CPED1: variants seen among roughly 807,000 people sequenced by gnomAD.
CPED1 encodes cadherin like and PC-esterase domain containing 1.
CPED1 carries 114 observed loss-of-function variants against 128.2 expected under a neutral mutation model. The ratio of observed to expected loss-of-function variants is 0.89; its 90% CI spans 0.76 to 1.04. The LOEUF (loss-of-function observed/expected upper bound fraction) is 1.04, where lower values mean the gene tolerates loss of function less well. Among genes scored for constraint, CPED1 ranks in the 50% least tolerant of loss-of-function variants. The pLI is 0.00. For synonymous variants in CPED1, 462 were observed against 426.7 expected, an observed-to-expected ratio of 1.08 and a Z score of -1.02; for missense variants, 1,211 against 1,207.1, an observed-to-expected ratio of 1.00 and a Z score of -0.05.
intron 16 of CPED1, among the ~76,000 whole-genome samples, chr7:121,228,437 A>G (rs1798064688): frequency 7.8e-6 from 1 of 128,168 alleles, no homozygotes; most frequent in East Asian, 2.0e-4. Context: ...CCACAGTGAG[A>G]TATTACCTAA....
In CPED1 at chr7:121,295,820, A is replaced by T. The variant is rs1792814120; in HGVS notation, c.*168A>T. ...ACACACACAGTTAAATAATGATAACACTTCTTACAGCTTTATGAATTCAAG... is the reference window on the plus strand; with the variant it reads ...ACACACACAGTTAAATAATGATAACTCTTCTTACAGCTTTATGAATTCAAG... On this transcript the variant is annotated 3_prime_UTR_variant, in exon 23 of 23. Transcript: ENST00000310396. 3 of 554,908 alleles carry T rather than the reference A, an allele frequency of 5.4e-6. No individual in the cohort carries two copies. In the Admixed American group the frequency reaches 9.9e-5, roughly 18 times the overall value. The allele number at this position is 554,908 out of a possible 1,614,324, so 34.4% of individuals were successfully genotyped here. A position where few individuals can be genotyped will look rare whatever the true frequency, so the allele number is the denominator to read the frequency against.
intron 16 of CPED1, among the ~76,000 whole-genome samples, chr7:121,235,391 C>G (rs116083706): frequency 0.069 from 10,511 of 152,060 alleles, 463 homozygotes; most frequent in Non-Finnish European, 0.08. Flanking sequence ...TACACTGAAT[C>G]AAGATTTTAA....
At chr7:121,167,127 CTCTAAGTCTG>C (rs1796544945) in intron 16 of CPED1, among the ~76,000 whole-genome samples, 1 of 152,216 alleles carries the variant, frequency 6.6e-6, no homozygotes, top group African/African-American at 2.4e-5. Context: ...TAAAGTGACC[CTCTAAGTCTG>C]TCTAGCCCAT....
In CPED1 at chr7:121,295,645, C is replaced by T. The variant is rs1324482464; in HGVS notation, c.3074C>T (p.Thr1025Ile). ...AGCAGGATGTGTGCAAATAAAAGGA[C>T]TATGTAGGCTCCCTGCAGGAGAGCT... ...LLSRMCANKR[T>I]M The change falls in exon 23 of 23, where the codon ACT (threonine) becomes ATT (isoleucine). Residue 1025 changes from threonine to isoleucine, a missense_variant. Transcript: ENST00000310396. 4 of 1,613,424 alleles carry T rather than the reference C, an allele frequency of 2.5e-6. No homozygotes were observed. Among genetic ancestry groups the T allele is most frequent in the Non-Finnish European group, 3.4e-6 (4 of 1,179,564 alleles).
At chr7:121,288,486 T>C (rs544591564) in intron 22 of CPED1, among the ~76,000 whole-genome samples, 7 of 152,264 alleles carry the variant, frequency 4.6e-5, no homozygotes, top group South Asian at 4.1e-4. Context: ...TCTCTAAAAA[T>C]AGAAATAGGT....
intron 7 of CPED1, among the ~76,000 whole-genome samples, chr7:121,107,765 TA>T (rs1795013614): frequency 6.6e-6 from 1 of 152,128 alleles, no homozygotes; most frequent in Non-Finnish European, 1.5e-5. Context: ...TTTTGAAACT[TA>T]TTAAATGTAT....
At chr7:121,281,402 T>C (rs776776285) in intron 22 of CPED1, among the ~76,000 whole-genome samples, 1 of 152,194 alleles carries the variant, frequency 6.6e-6, no homozygotes, top group Non-Finnish European at 1.5e-5. Context: ...TTTTTGTTCG[T>C]TTGGGAAGTC....
At chr7:121,086,228 C>T (rs1794423837) in intron 5 of CPED1, among the ~76,000 whole-genome samples, 1 of 152,000 alleles carries the variant, frequency 6.6e-6, no homozygotes, top group Admixed American at 6.6e-5. Context: ...TTGTAGCAGG[C>T]TATAAAAAGC....
intron 16 of CPED1, among the ~76,000 whole-genome samples, chr7:121,183,844 G>A (rs1796947073): frequency 6.6e-6 from 1 of 152,094 alleles, no homozygotes; most frequent in Non-Finnish European, 1.5e-5. Flanking sequence ...CAATTCACTT[G>A]GGGGTAGAGA....
chr7:121,237,836 G>A (rs569404623), intron 17 of CPED1, among the ~76,000 whole-genome samples: 46 of 152,244 alleles, frequency 3.0e-4, no homozygotes, highest in Middle Eastern at 3.4e-3. Context: ...GTTAACAAAC[G>A]TGGGCATGTC....
chr7:120,989,591 T>C lies in CPED1; in HGVS notation c.-31T>C. On this transcript the variant is annotated 5_prime_UTR_variant, in exon 2 of 23. Coordinates refer to ENST00000310396, the MANE Select transcript of CPED1 (RefSeq NM_024913.5). Reference sequence around the variant, plus strand: ...AGCTGCTATGACTTTTCCCGCAACGTGGACAGGGGCCAAGTGAAGCTGAAC... The same window carrying C: ...AGCTGCTATGACTTTTCCCGCAACGCGGACAGGGGCCAAGTGAAGCTGAAC... 1 of 1,605,808 alleles carries C rather than the reference T, an allele frequency of 6.2e-7. No individual in the cohort carries two copies. Among genetic ancestry groups the C allele is most frequent in the Non-Finnish European group, 8.5e-7 (1 of 1,176,416 alleles).
chr7:121,252,919 C>G (rs1383469219), intron 18 of CPED1, among the ~76,000 whole-genome samples: 1 of 152,122 alleles, frequency 6.6e-6, no homozygotes, highest in East Asian at 1.9e-4. Context: ...CCTCAGGGAT[C>G]TACAACTAGA....
chr7:121,067,270 C>T (rs941516822), intron 5 of CPED1, among the ~76,000 whole-genome samples: 5 of 151,734 alleles, frequency 3.3e-5, no homozygotes, highest in African/African-American at 1.2e-4. Context: ...CCCCATTCCC[C>T]CACCCCACAA....
At chr7:121,122,368 T>A (rs1795412263) in intron 7 of CPED1, among the ~76,000 whole-genome samples, 1 of 152,210 alleles carries the variant, frequency 6.6e-6, no homozygotes, top group Non-Finnish European at 1.5e-5. Context: ...CTCGAACTCC[T>A]GATCTCAGGT....
chr7:121,063,218 A>C (rs1000763775), intron 4 of CPED1, among the ~76,000 whole-genome samples: 1 of 152,076 alleles, frequency 6.6e-6, no homozygotes, highest in African/African-American at 2.4e-5. Context: ...GGGTTAATAA[A>C]GTAGCAAGGA....
intron 16 of CPED1, among the ~76,000 whole-genome samples, chr7:121,224,471 A>G (rs916102254): frequency 6.6e-6 from 1 of 152,130 alleles, no homozygotes; most frequent in African/African-American, 2.4e-5. Flanking sequence ...GATGTCTGTT[A>G]GTTCTGCTTG....
chr7:121,230,743 T>C (rs1168419447), intron 16 of CPED1, among the ~76,000 whole-genome samples: 53 of 152,042 alleles, frequency 3.5e-4, no homozygotes. Context: ...ACAGGCTTTC[T>C]CTGCAATTCT....
intron 16 of CPED1, among the ~76,000 whole-genome samples, chr7:121,195,308 T>C (rs564152223): frequency 1.4e-4 from 21 of 152,262 alleles, no homozygotes; most frequent in South Asian, 4.1e-4. Flanking sequence ...AGTTTTAAAA[T>C]ATTTTTGCTT....
chr7:121,016,045 C>T (rs990108167), intron 3 of CPED1, among the ~76,000 whole-genome samples, 197 bp downstream of exon 3: 4 of 151,854 alleles, frequency 2.6e-5, no homozygotes, highest in African/African-American at 7.3e-5. Flanking sequence ...CTCTTTATTC[C>T]TGAAATTATT....
Sources: gnomAD v4.1 joint callset for allele counts (sites outside exome capture counted in the v4.1 genomes callset) on GRCh38, gnomAD v4.1.1 for gene constraint, MANE v1.5 for transcripts, NCBI Gene and HGNC (gene_info 2026-07-23, HGNC 2026-07-21) for gene names.